OCA2: variants seen among roughly 807,000 people sequenced by gnomAD.
The protein encoded by OCA2 is P protein.
Under a neutral mutation model 100.2 loss-of-function variants are expected in OCA2, and 77 were observed. The observed-to-expected ratio is 0.77, with a 90% CI of 0.64 to 0.93. The LOEUF is 0.93. OCA2 is among the 40% of genes least tolerant of loss of function. The pLI, the probability that OCA2 is intolerant of heterozygous loss-of-function variation, is 0.00. For missense variants in OCA2, 1,062 were observed against 1,089.1 expected (o/e 0.98, Z 0.35); for synonymous variants, 432 against 439.2 (o/e 0.98, Z 0.21).
At chr15:27,745,455 C>A in the OCA2 span, among the ~76,000 whole-genome samples, 1 of 152,210 alleles carries the variant, frequency 6.6e-6, no homozygotes, top group African/African-American at 2.4e-5. Flanking sequence ...AGTAAACCTT[C>A]TCAGTCTGTT....
chr15:27,979,463 A>G (rs948705673), intron 14 of OCA2, among the ~76,000 whole-genome samples: 1 of 152,042 alleles, frequency 6.6e-6, no homozygotes, highest in Non-Finnish European at 1.5e-5. Context: ...AACTCTTGCA[A>G]TTTGTTTTAT....
At chr15:28,073,522 C>G (rs1026898213) in intron 2 of OCA2, among the ~76,000 whole-genome samples, 1 of 152,164 alleles carries the variant, frequency 6.6e-6, no homozygotes, top group African/African-American at 2.4e-5. Context: ...CTCATGTTCT[C>G]ACTTATAAAT....
chr15:28,076,237 CG>C (rs1840379928), intron 2 of OCA2, among the ~76,000 whole-genome samples: 1 of 152,178 alleles, frequency 6.6e-6, no homozygotes, highest in African/African-American at 2.4e-5. Context: ...GTTCTCCCTT[CG>C]ACCTCCAAAT....
intron 2 of OCA2, among the ~76,000 whole-genome samples, chr15:28,075,378 C>G (rs547743915): frequency 6.6e-6 from 1 of 152,178 alleles, no homozygotes; most frequent in Admixed American, 6.5e-5. Context: ...TAAGGTGCCT[C>G]TAAATACTTA....
intron 2 of OCA2, among the ~76,000 whole-genome samples, chr15:28,075,190 T>C (rs769266362): frequency 1.7e-4 from 26 of 152,124 alleles, no homozygotes; most frequent in Non-Finnish European, 3.7e-4. Flanking sequence ...AAATTAAAAA[T>C]TTCTGCTCTC....
chr15:27,890,816 A>C (rs1268626880), intron 19 of OCA2, among the ~76,000 whole-genome samples: 1 of 152,152 alleles, frequency 6.6e-6, no homozygotes, highest in Non-Finnish European at 1.5e-5. Flanking sequence ...TCACGAGGTC[A>C]AGAGATCAAG....
chr15:27,971,680 A>T (rs1428997740), intron 14 of OCA2, among the ~76,000 whole-genome samples: 1 of 152,190 alleles, frequency 6.6e-6, no homozygotes. Flanking sequence ...GGTGGCAAGA[A>T]CTTTCCTCAC....
At chr15:28,072,699 G>A (rs150002995) in intron 2 of OCA2, among the ~76,000 whole-genome samples, 14 of 151,776 alleles carry the variant, frequency 9.2e-5, no homozygotes, top group East Asian at 7.7e-4. Context: ...ATGAAAAAGC[G>A]CTCAGCATCA....
rs561075440 is a variant in OCA2 at position 27,768,860 on chromosome 15, T to C, written c.2433-13388A>G. ...TTCCCTGGCACTTCAAAGGCTGGCC[T>C]GTTTCTTCTGGGGCCGAGCCAGTTG... On this transcript the variant is annotated intron_variant, in intron 23 of 23. Coordinates refer to ENST00000354638, the MANE Select transcript of OCA2 (RefSeq NM_000275.3). 5.9e-5 allele frequency among the ~76,000 whole-genome samples: 9 copies of C among 152,322 alleles called. No individual in the cohort carries two copies. In the South Asian group the frequency reaches 1.2e-3, roughly 21 times the overall value.
intron 18 of OCA2, among the ~76,000 whole-genome samples, chr15:27,929,139 C>A (rs2039153409): frequency 6.6e-6 from 1 of 152,094 alleles, no homozygotes; most frequent in African/African-American, 2.4e-5. Flanking sequence ...TAGAAATTAA[C>A]AAACTGATTC....
chr15:27,995,999 G>C (rs1363135624), intron 9 of OCA2, among the ~76,000 whole-genome samples: 1 of 151,974 alleles, frequency 6.6e-6, no homozygotes, highest in Admixed American at 6.6e-5. Flanking sequence ...TTTCAGTAGA[G>C]ACGGGGTTTC....
downstream of OCA2, among the ~76,000 whole-genome samples, chr15:27,750,245 C>A (rs1251448245): frequency 6.6e-6 from 1 of 152,182 alleles, no homozygotes; most frequent in African/African-American, 2.4e-5. Flanking sequence ...TAGAACGTCT[C>A]CTTCAAGACA....
chr15:28,025,034 G>A (rs2042707696), intron 4 of OCA2, 132 bp from the exon 5 acceptor site: 5 of 827,874 alleles, frequency 6.0e-6, no homozygotes, highest in Non-Finnish European at 4.1e-6. Context: ...AACATGATAT[G>A]AGGGAGAACA....
At chr15:28,003,995 GC>G (rs2042011917) in intron 9 of OCA2, among the ~76,000 whole-genome samples, 1 of 152,196 alleles carries the variant, frequency 6.6e-6, no homozygotes, top group South Asian at 2.1e-4. Flanking sequence ...CGCGCTGCGC[GC>G]CCGCGCGGAA....
chr15:27,878,989 T>C (rs2036901390), intron 19 of OCA2, among the ~76,000 whole-genome samples: 1 of 152,126 alleles, frequency 6.6e-6, no homozygotes, highest in Admixed American at 6.6e-5. Context: ...ATTAGCTATT[T>C]ATCTGATGTT....
intron 23 of OCA2, among the ~76,000 whole-genome samples, chr15:27,813,041 C>T (rs1249325304): frequency 1.3e-5 from 2 of 152,150 alleles, no homozygotes; most frequent in African/African-American, 4.8e-5. Flanking sequence ...ATAGAGAGGG[C>T]AAGAGAGCAG....
chr15:27,883,070 G>A (rs2037085647), intron 19 of OCA2, among the ~76,000 whole-genome samples: 2 of 152,126 alleles, frequency 1.3e-5, no homozygotes, highest in African/African-American at 4.8e-5. Flanking sequence ...GAACTGGGGG[G>A]CTTCTTTGGC....
chr15:28,057,938 C>T (rs774773364), intron 2 of OCA2, among the ~76,000 whole-genome samples: 2 of 152,152 alleles, frequency 1.3e-5, no homozygotes, highest in East Asian at 1.9e-4. Flanking sequence ...ACTACTGGAT[C>T]GTAAACAGCC....
At chr15:27,750,906 A>T (rs2030043400), downstream of OCA2, among the ~76,000 whole-genome samples, 1 of 152,200 alleles carries the variant, frequency 6.6e-6, no homozygotes, top group Non-Finnish European at 1.5e-5. Context: ...AGTCATCATA[A>T]GAAGGATGAA....
Sources: allele counts gnomAD v4.1 joint callset (sites outside exome capture counted in the v4.1 genomes callset), GRCh38; gene constraint gnomAD v4.1.1; transcripts MANE v1.5; gene names NCBI Gene and HGNC (gene_info 2026-07-23, HGNC 2026-07-21).